The following ADAMTSL1 variants were observed in gnomAD, a reference collection of about 807,000 sequenced individuals.
ADAMTSL1 encodes ADAMTS-like protein 1.
A neutral mutation model predicts 201.8 loss-of-function variants in ADAMTSL1; 126 were observed. That is an observed-to-expected ratio of 0.62 (90% confidence interval 0.54 to 0.72). ADAMTSL1 has a LOEUF of 0.72. Among genes scored for constraint, ADAMTSL1 ranks in the 30% least tolerant of loss-of-function variants. The probability of loss-of-function intolerance (pLI) is 0.00; values close to 1 mark genes in which losing one functional copy is unlikely to be tolerated. For synonymous variants in ADAMTSL1, 1,121 were observed against 903.4 expected (o/e 1.24, Z -4.32); for missense variants, 2,679 against 2,277.8 (o/e 1.18, Z -3.59).
chr9:18,882,450 C>T (rs1054314491), intron 23 of ADAMTSL1, among the ~76,000 whole-genome samples: 1 of 152,118 alleles, frequency 6.6e-6, no homozygotes, highest in African/African-American at 2.4e-5. Flanking sequence ...TGCCTTCATA[C>T]ACATATAGTT....
intron 14 of ADAMTSL1, among the ~76,000 whole-genome samples, chr9:18,720,410 C>T (rs555125493): frequency 6.6e-6 from 1 of 152,280 alleles, no homozygotes; most frequent in South Asian, 2.1e-4. Flanking sequence ...TAATAATGGG[C>T]ATCCTGTATA....
chr9:18,407,212 CT>C (rs1383429206), intron 2 of ADAMTSL1, among the ~76,000 whole-genome samples: 1 of 152,144 alleles, frequency 6.6e-6, no homozygotes, highest in Non-Finnish European at 1.5e-5. Context: ...CTCACAAGAG[CT>C]TTACAGAGAA....
chr9:18,443,652 G>C (rs1431426766), intron 2 of ADAMTSL1, among the ~76,000 whole-genome samples: 2 of 152,162 alleles, frequency 1.3e-5, no homozygotes, highest in African/African-American at 4.8e-5. Context: ...TGAAAGTTTG[G>C]ATACTTTGCA....
At chr9:18,671,715 A>T (rs1829824009) in intron 9 of ADAMTSL1, among the ~76,000 whole-genome samples, 2 of 152,200 alleles carry the variant, frequency 1.3e-5, no homozygotes. Context: ...GAAACCCTTG[A>T]AACCATGAAA....
In ADAMTSL1 at chr9:18,829,936, G is replaced by A. The variant is rs1189662806; in HGVS notation, c.4208G>A (p.Gly1403Glu). The A allele has an allele frequency of 6.2e-7, 1 of 1,613,570 alleles. No homozygotes were observed. The highest frequency in any genetic ancestry group is 8.5e-7 in the Non-Finnish European group (1 of 1,179,810). ...CCTTCAGTGCTGACGTCTCCTCTGG[G>A]AACACAGCTGGTCCTGGATCCTGGG... ...NLPSVLTSPLGTQLVLDPGNS... is the reference protein window; with the variant it reads ...NLPSVLTSPLETQLVLDPGNS... The change falls in exon 23 of 29, where the codon GGA (glycine) becomes GAA (glutamate). Residue 1403 changes from glycine to glutamate, a missense_variant. Transcript: ENST00000380548.
At chr9:18,637,791 C>G (rs935965857) in intron 6 of ADAMTSL1, among the ~76,000 whole-genome samples, 4 of 151,984 alleles carry the variant, frequency 2.6e-5, no homozygotes, top group African/African-American at 9.7e-5. Flanking sequence ...ATATTTTGGA[C>G]CAAACCAGAA....
chr9:18,123,689 C>G (rs545416086), intron 1 of ADAMTSL1, among the ~76,000 whole-genome samples: 1 of 152,220 alleles, frequency 6.6e-6, no homozygotes, highest in African/African-American at 2.4e-5. Flanking sequence ...CAGAGTTGTA[C>G]AGACGTCGAC....
intron 3 of ADAMTSL1, among the ~76,000 whole-genome samples, chr9:18,556,571 A>G (rs1002498092): frequency 1.3e-5 from 2 of 152,114 alleles, no homozygotes; most frequent in African/African-American, 4.8e-5. Context: ...CTAAGAAGCT[A>G]TGCTATAAGC....
At chr9:18,460,051 T>C (rs1209510641) in intron 2 of ADAMTSL1, among the ~76,000 whole-genome samples, 1 of 152,176 alleles carries the variant, frequency 6.6e-6, no homozygotes, top group Non-Finnish European at 1.5e-5. Flanking sequence ...TGCTCTCAAC[T>C]TGAATAGAGT....
At chr9:18,611,195 A>G (rs1825339012) in intron 4 of ADAMTSL1, among the ~76,000 whole-genome samples, 1 of 152,318 alleles carries the variant, frequency 6.6e-6, no homozygotes, top group South Asian at 2.1e-4. Flanking sequence ...CAATTCACAA[A>G]GAATTACAGT....
intron 15 of ADAMTSL1, among the ~76,000 whole-genome samples, chr9:18,722,235 C>G (rs368209566): frequency 1.3e-5 from 2 of 152,268 alleles, no homozygotes; most frequent in Non-Finnish European, 2.9e-5. Flanking sequence ...GAGTCACAGC[C>G]TTGATTGAAT....
At chr9:18,885,227 A>G (rs1471334258) in intron 23 of ADAMTSL1, among the ~76,000 whole-genome samples, 1 of 152,194 alleles carries the variant, frequency 6.6e-6, no homozygotes, top group Non-Finnish European at 1.5e-5. Flanking sequence ...TTGTCTTCAC[A>G]TGCTCTTCAA....
At chr9:18,367,853 A>G (rs985363541) in intron 2 of ADAMTSL1, among the ~76,000 whole-genome samples, 5 of 152,150 alleles carry the variant, frequency 3.3e-5, no homozygotes, top group Non-Finnish European at 7.4e-5. Context: ...GCAGTCAGAC[A>G]TAGCTCTGAA....
At position 18,707,008 on chromosome 9, in the gene ADAMTSL1, G is replaced by A. The variant is rs755263132; in HGVS notation, c.1836G>A (p.Glu612=). 2 of 1,613,920 alleles carry A rather than the reference G, an allele frequency of 1.2e-6. No homozygotes were observed. The highest frequency in any genetic ancestry group is 1.7e-5 in the Admixed American group (1 of 60,024). The change falls in exon 14 of 29, where the codon GAG becomes GAA. Residue 612 remains glutamate (E), a synonymous_variant. Coordinates refer to ENST00000380548, the MANE Select transcript of ADAMTSL1 (RefSeq NM_001040272.6). ...ATTTCGACGAGCTGTATGACTGGGA[G>A]TATGAGGGGTTCACCAAGTGCTCCG... is the stretch of plus-strand genomic sequence containing the variant. ...LQDFDELYDW[E]YEGFTKCSES...
chr9:18,059,891 T>A (rs761326513), intron 1 of ADAMTSL1, among the ~76,000 whole-genome samples: 20 of 152,220 alleles, frequency 1.3e-4, no homozygotes, highest in Non-Finnish European at 2.6e-4. Context: ...TGTGCATTTT[T>A]GTTTCTGTTG....
At chr9:18,083,821 T>C (rs752564251) in intron 1 of ADAMTSL1, among the ~76,000 whole-genome samples, 4 of 152,200 alleles carry the variant, frequency 2.6e-5, no homozygotes, top group Non-Finnish European at 4.4e-5. Flanking sequence ...CAATACAACA[T>C]TCTTGCTCTA....
At chr9:18,273,513 A>T (rs1381026705) in intron 2 of ADAMTSL1, among the ~76,000 whole-genome samples, 1 of 152,240 alleles carries the variant, frequency 6.6e-6, no homozygotes, top group Non-Finnish European at 1.5e-5. Flanking sequence ...AAAATTGGTA[A>T]GGGGCAGTGC....
At chr9:18,141,769 T>C (rs1190970674) in intron 1 of ADAMTSL1, among the ~76,000 whole-genome samples, 2 of 152,308 alleles carry the variant, frequency 1.3e-5, no homozygotes, top group African/African-American at 4.8e-5. Context: ...CACATACTCC[T>C]GTAGATCTTG....
intron 15 of ADAMTSL1, among the ~76,000 whole-genome samples, chr9:18,727,725 AG>A (rs1399626054): frequency 6.6e-6 from 1 of 152,244 alleles, no homozygotes; most frequent in African/African-American, 2.4e-5. Flanking sequence ...GACCATGGAA[AG>A]GAATATCTTT....
Sources: allele counts gnomAD v4.1 joint callset (sites outside exome capture counted in the v4.1 genomes callset), GRCh38; gene constraint gnomAD v4.1.1; transcripts MANE v1.5; gene names NCBI Gene and HGNC (gene_info 2026-07-23, HGNC 2026-07-21).